The following PSPC1 variants were observed in gnomAD, a reference collection of about 807,000 sequenced individuals.
PSPC1 encodes paraspeckle component 1, also known as paraspeckle protein 1.
A neutral mutation model predicts 51.6 loss-of-function variants in PSPC1; 14 were observed. The observed-to-expected ratio is 0.27, with a 90% confidence interval of 0.18 to 0.42. The LOEUF (loss-of-function observed/expected upper bound fraction) is 0.42, where lower values mean the gene tolerates loss of function less well. Ranked by LOEUF, PSPC1 falls within the 10% of genes least tolerant of loss-of-function variation. The pLI, the probability that PSPC1 is intolerant of heterozygous loss-of-function variation, is 1.00. For missense variants in PSPC1, 406 were observed against 701.1 expected, an observed-to-expected ratio of 0.58 and a Z score of 4.75; for synonymous variants, 193 against 231.9, an observed-to-expected ratio of 0.83 and a Z score of 1.53.
chr13:19,680,288 TA>T (rs1877127646), intron 6 of PSPC1, among the ~76,000 whole-genome samples: 1 of 152,196 alleles, frequency 6.6e-6, no homozygotes, highest in Non-Finnish European at 1.5e-5. Context: ...GTGCTGGGAT[TA>T]TAGGTGTGAG....
At chr13:19,752,327 G>C (rs1440051616) in intron 3 of PSPC1, among the ~76,000 whole-genome samples, 3 of 152,020 alleles carry the variant, frequency 2.0e-5, no homozygotes, top group African/African-American at 7.2e-5. Context: ...CTAGAGTGCA[G>C]TATATACATT....
intron 4 of PSPC1, among the ~76,000 whole-genome samples, chr13:19,742,634 G>T (rs193180626): frequency 3.3e-4 from 50 of 152,236 alleles, no homozygotes; most frequent in African/African-American, 1.2e-3. Flanking sequence ...AGCTACTCGG[G>T]AGATTGAGAC....
intron 7 of PSPC1, among the ~76,000 whole-genome samples, chr13:19,708,984 G>A (rs59718904): frequency 2.0e-5 from 3 of 151,904 alleles, no homozygotes; most frequent in East Asian, 3.9e-4. Context: ...GCAACAAAGC[G>A]AAATCCTGTC....
chr13:19,695,158 A>G (rs563252780), intron 6 of PSPC1, among the ~76,000 whole-genome samples: 4 of 152,334 alleles, frequency 2.6e-5, no homozygotes, highest in African/African-American at 9.6e-5. Flanking sequence ...TTAGTCTTCT[A>G]TATCATTCAA....
At chr13:19,684,231 A>C (rs1388078209) in intron 6 of PSPC1, among the ~76,000 whole-genome samples, 1 of 152,206 alleles carries the variant, frequency 6.6e-6, no homozygotes, top group African/African-American at 2.4e-5. Flanking sequence ...AATAGAAAAA[A>C]CAAAACAAAA....
downstream of PSPC1, among the ~76,000 whole-genome samples, chr13:19,700,179 T>C (rs1296766196): frequency 1.3e-5 from 2 of 152,098 alleles, no homozygotes; most frequent in African/African-American, 4.8e-5. Context: ...TCATTCACAT[T>C]GCTATTTAGC....
chr13:19,745,548 T>A (rs994727324), intron 4 of PSPC1, among the ~76,000 whole-genome samples: 4 of 152,134 alleles, frequency 2.6e-5, no homozygotes, highest in African/African-American at 9.7e-5. Flanking sequence ...TTTCTAAAAA[T>A]ACTAGTCTCT....
intron 2 of PSPC1, among the ~76,000 whole-genome samples, chr13:19,769,114 G>A (rs761669354): frequency 3.3e-5 from 5 of 151,008 alleles, no homozygotes; most frequent in Non-Finnish European, 7.4e-5. Flanking sequence ...ACTCCAGCCT[G>A]GGTGACACAT....
rs2138419116 is a variant in PSPC1, at chr13:19,782,131, C to T, written c.372+255G>A. On this transcript the variant is annotated intron_variant, in intron 1 of 8. Transcript: ENST00000338910. The surrounding 1 kb of genome is among the most constrained non-coding windows in gnomAD (Gnocchi z 4.5). ...CGCAGGGCAGCAGGCCTGCAGCCAC[C>T]GCAAAGCACGATCGGCGCACGGCAG... is the stretch of plus-strand genomic sequence containing the variant. Among the ~76,000 whole-genome samples, 1 of 152,350 alleles carries T rather than the reference C, an allele frequency of 6.6e-6. No homozygotes were observed. The highest frequency in any genetic ancestry group is 6.5e-5 in the Admixed American group (1 of 15,304).
chr13:19,755,993 T>C (rs2138170343), intron 3 of PSPC1, among the ~76,000 whole-genome samples: 1 of 152,168 alleles, frequency 6.6e-6, no homozygotes, highest in Middle Eastern at 3.4e-3. Flanking sequence ...TCCCAGCACC[T>C]TGGGAGGCCA....
chr13:19,674,968 C>G (rs1876468952), exon 8 of PSPC1: 5 of 152,212 alleles, frequency 3.3e-5, no homozygotes, highest in African/African-American at 1.2e-4. Flanking sequence ...AAAAGCCTCA[C>G]TAGGCAAGTG....
intron 6 of PSPC1, among the ~76,000 whole-genome samples, chr13:19,680,159 C>T (rs376196370): frequency 4.6e-5 from 7 of 152,046 alleles, no homozygotes; most frequent in Non-Finnish European, 7.4e-5. Context: ...GGACTACAGG[C>T]GCACACTACC....
intron 5 of PSPC1, among the ~76,000 whole-genome samples, chr13:19,736,275 T>C (rs1385306978): frequency 6.6e-6 from 1 of 152,164 alleles, no homozygotes; most frequent in African/African-American, 2.4e-5. Flanking sequence ...AACATAAAGG[T>C]TACCCGTCAA....
chr13:19,782,310 G>A lies in PSPC1; in HGVS notation c.372+76C>T. 1 of 1,501,452 alleles carries A rather than the reference G, an allele frequency of 6.7e-7. No homozygotes were observed. Among genetic ancestry groups the A allele is most frequent in the Non-Finnish European group, 8.9e-7 (1 of 1,129,388 alleles). 93.0% of individuals were successfully genotyped at this position (1,501,452 alleles called of 1,614,324 possible). On this transcript the variant is annotated intron_variant, in intron 1 of 8. Transcript: ENST00000338910. The surrounding 1 kb of genome is among the most constrained non-coding windows in gnomAD (Gnocchi z 4.5). ...AGGTTGAGACAGCGTCCTAGGACGA[G>A]GCTGGCCTCAGCCCCACGACCCCGC... is the stretch of plus-strand genomic sequence containing the variant.
chr13:19,694,523 G>A (rs1245803928), intron 6 of PSPC1, among the ~76,000 whole-genome samples: 4 of 152,052 alleles, frequency 2.6e-5, no homozygotes, highest in South Asian at 2.1e-4. Flanking sequence ...TCTTTTCTTC[G>A]TAAGTCTGCA....
At chr13:19,685,297 T>C (rs1265423688) in intron 6 of PSPC1, among the ~76,000 whole-genome samples, 1 of 152,210 alleles carries the variant, frequency 6.6e-6, no homozygotes, top group Admixed American at 6.5e-5. Context: ...CGGCAGTCCC[T>C]TTGTTAGAAC....
At chr13:19,673,286 T>A (rs187846462), downstream of PSPC1, 1 of 367,972 alleles carries the variant, frequency 2.7e-6, no homozygotes, top group Admixed American at 3.6e-5. Context: ...AGTTGAAAAT[T>A]GTTTTGTTCC....
At chr13:19,708,067 C>T (rs1880925312) in intron 7 of PSPC1, among the ~76,000 whole-genome samples, 2 of 152,158 alleles carry the variant, frequency 1.3e-5, no homozygotes. Flanking sequence ...GGCCATGTTT[C>T]TTGCTTCCTG....
intron 1 of PSPC1, among the ~76,000 whole-genome samples, chr13:19,773,023 G>C (rs777887632): frequency 2.6e-5 from 4 of 151,786 alleles, no homozygotes; most frequent in African/African-American, 7.3e-5. Context: ...TTAGCTGGGC[G>C]TGGTGGCGGG....
Sources: gnomAD v4.1 joint callset for allele counts (sites outside exome capture counted in the v4.1 genomes callset) on GRCh38, gnomAD v4.1.1 for gene constraint, Gnocchi (gnomAD v3.1) non-coding constraint, MANE v1.5 for transcripts, NCBI Gene and HGNC (gene_info 2026-07-23, HGNC 2026-07-21) for gene names.